The following LHPP variants were observed in gnomAD, a reference collection of about 807,000 sequenced individuals.
The protein encoded by LHPP is hLHPP.
In LHPP, 24 loss-of-function variants were observed where a neutral mutation model predicts 30.3. That is an observed-to-expected ratio of 0.79 (90% CI 0.57 to 1.11). LHPP has a LOEUF of 1.11. Ranked by LOEUF, LHPP falls within the 50% of genes most tolerant of loss-of-function variation. The pLI is 0.00. For synonymous variants in LHPP, 150 were observed against 157.1 expected, an observed-to-expected ratio of 0.95 and a Z score of 0.34; for missense variants, 356 against 367.2, an observed-to-expected ratio of 0.97 and a Z score of 0.25.
rs549090143 is a variant in LHPP, at chr10:124,541,847, C to A, written c.716+24576C>A. Among the ~76,000 whole-genome samples, 26 of 152,154 alleles carry A rather than the reference C, an allele frequency of 1.7e-4. No individual in the cohort carries two copies. The highest frequency in any genetic ancestry group is 6.0e-4 in the African/African-American group (25 of 41,524). ...CCAGGCCCCGGCCCAGATGGGGTGA[C>A]CTTTCCTTCACCCCTACTTCCCCAC... On this transcript the variant is annotated intron_variant, in intron 6 of 6. Transcript: ENST00000368842. The surrounding 1 kb of genome is among the most constrained non-coding windows in gnomAD (Gnocchi z 4.2).
chr10:124,494,080 A>G (rs987542577), intron 3 of LHPP, among the ~76,000 whole-genome samples: 1 of 152,216 alleles, frequency 6.6e-6, no homozygotes. Flanking sequence ...AAAGATTAGC[A>G]TGCAAAGACA....
intron 2 of LHPP, among the ~76,000 whole-genome samples, chr10:124,484,545 C>T (rs561710563): frequency 6.6e-6 from 1 of 151,642 alleles, no homozygotes; most frequent in South Asian, 2.1e-4. Context: ...ACCAGAGGGT[C>T]CTTAGAGCAG....
At chr10:124,603,871 T>C (rs1274669538) in intron 6 of LHPP, among the ~76,000 whole-genome samples, 2 of 152,192 alleles carry the variant, frequency 1.3e-5, no homozygotes, top group African/African-American at 2.4e-5. Flanking sequence ...GCCTGAGGGC[T>C]GAGCAATCCC....
chr10:124,468,784 G>T (rs1375309691), intron 1 of LHPP, among the ~76,000 whole-genome samples: 1 of 152,168 alleles, frequency 6.6e-6, no homozygotes. Flanking sequence ...CTCCACTCTG[G>T]CCCAGTGCCT....
chr10:124,472,084 G>A (rs910568221), intron 1 of LHPP, among the ~76,000 whole-genome samples: 1 of 152,110 alleles, frequency 6.6e-6, no homozygotes, highest in African/African-American at 2.4e-5. Flanking sequence ...GGCCAAAGCG[G>A]GCAGATCACA....
intron 5 of LHPP, among the ~76,000 whole-genome samples, chr10:124,513,932 A>C (rs1007715708): frequency 6.6e-6 from 1 of 152,182 alleles, no homozygotes; most frequent in East Asian, 1.9e-4. Context: ...ACCAATGGGA[A>C]GTCTTGTTTG....
At chr10:124,601,524 C>T (rs1016036366) in intron 6 of LHPP, among the ~76,000 whole-genome samples, 3 of 152,194 alleles carry the variant, frequency 2.0e-5, no homozygotes, top group Admixed American at 6.5e-5. Context: ...ACCACCAACC[C>T]GCTGGTGGGC....
chr10:124,471,415 A>ATG (rs1280344442), intron 1 of LHPP, among the ~76,000 whole-genome samples: 1 of 35,914 alleles, frequency 2.8e-5, no homozygotes, highest in Non-Finnish European at 5.7e-5. Flanking sequence ...ATATATTTAT[A>ATG]TATTATATAT....
intron 6 of LHPP, among the ~76,000 whole-genome samples, chr10:124,520,927 G>A (rs564771855): frequency 3.6e-4 from 55 of 152,362 alleles, no homozygotes; most frequent in Non-Finnish European, 6.3e-4. Context: ...TCGGCTGCAT[G>A]TTGAAATGCT....
At chr10:124,565,687 T>G (rs911465314) in intron 6 of LHPP, among the ~76,000 whole-genome samples, 2 of 152,160 alleles carry the variant, frequency 1.3e-5, no homozygotes, top group African/African-American at 4.8e-5. Context: ...CCAGGTCTTT[T>G]CTGGTATCAC....
At chr10:124,490,452 A>G (rs1686997879) in intron 3 of LHPP, 1 of 338,600 alleles carries the variant, frequency 3.0e-6, no homozygotes, top group Non-Finnish European at 6.2e-6. Flanking sequence ...CATGACGTGA[A>G]GGTTGGGCAC....
Position 124,496,845 on chromosome 10 carries a change from C to T in LHPP, c.468-116C>T, listed in dbSNP as rs1156474937. 2 of 881,762 alleles carry T rather than the reference C, an allele frequency of 2.3e-6. No homozygotes were observed. Among genetic ancestry groups the T allele is most frequent in the Non-Finnish European group, 3.6e-6 (2 of 557,254 alleles). The allele number at this position is 881,762 out of a possible 1,614,324, so 54.6% of individuals were successfully genotyped here. On this transcript the variant is annotated intron_variant, in intron 3 of 6. Transcript: ENST00000368842. The surrounding 1 kb of genome is among the most constrained non-coding windows in gnomAD (Gnocchi z 4.3). ...GCGTAGCGCCTGGACTGCCCCTCAG[C>T]CGCGGCTTGGCTCTGCAGCCAGCGG...
In LHPP at chr10:124,510,126, C is replaced by G. The variant is rs894274171; in HGVS notation, c.625-7054C>G. 3.3e-5 allele frequency among the ~76,000 whole-genome samples: 5 copies of G among 152,164 alleles called. No individual in the cohort carries two copies. The highest frequency in any genetic ancestry group is 1.2e-4 in the African/African-American group (5 of 41,436). On this transcript the variant is annotated intron_variant, in intron 5 of 6. Transcript: ENST00000368842. This position sits in a 1 kb window ranked among gnomAD's most constrained non-coding sequence, Gnocchi z 4.0. Reference sequence around the variant, plus strand: ...ATTTTTTTCTCCGCCTCACACCCCACCATGTCGTGTCTGAAAGGAAGCGAA... The same window carrying G: ...ATTTTTTTCTCCGCCTCACACCCCAGCATGTCGTGTCTGAAAGGAAGCGAA...
At chr10:124,527,627 G>T in intron 6 of LHPP, among the ~76,000 whole-genome samples, 1 of 152,198 alleles carries the variant, frequency 6.6e-6, no homozygotes, top group East Asian at 1.9e-4. Flanking sequence ...AACCAGAGCA[G>T]CAGGGAGACA....
intron 1 of LHPP, among the ~76,000 whole-genome samples, chr10:124,480,960 G>T (rs1294294202): frequency 3.3e-5 from 5 of 152,302 alleles, no homozygotes; most frequent in Middle Eastern, 3.4e-3. Flanking sequence ...TCTGTTGGGG[G>T]TTATAAGGAG....
chr10:124,559,262 A>T (rs1273628948), intron 6 of LHPP, among the ~76,000 whole-genome samples: 1 of 152,198 alleles, frequency 6.6e-6, no homozygotes, highest in Admixed American at 6.5e-5. Flanking sequence ...CTATCTGAAG[A>T]TGAGTTTGAA....
chr10:124,508,547 C>G (rs906713579), intron 5 of LHPP, among the ~76,000 whole-genome samples: 3 of 151,132 alleles, frequency 2.0e-5, no homozygotes, highest in Non-Finnish European at 4.4e-5. Flanking sequence ...GCTCTGAGAC[C>G]TCATGGCTTA....
chr10:124,604,505 GGT>G (rs1195701185), intron 6 of LHPP, among the ~76,000 whole-genome samples: 1 of 152,204 alleles, frequency 6.6e-6, no homozygotes, highest in Non-Finnish European at 1.5e-5. Context: ...CGGGTGTGCA[GGT>G]GGAGGCAGAC....
intron 5 of LHPP, chr10:124,498,766 C>G (rs1376116893): frequency 4.3e-6 from 2 of 460,092 alleles, no homozygotes; most frequent in East Asian, 1.3e-4. Flanking sequence ...ACCTCCCAGG[C>G]TCAAGCGATC....
Sources: allele counts gnomAD v4.1 joint callset (sites outside exome capture counted in the v4.1 genomes callset), GRCh38; gene constraint gnomAD v4.1.1; non-coding constraint Gnocchi (gnomAD v3.1); transcripts MANE v1.5; gene names NCBI Gene and HGNC (gene_info 2026-07-23, HGNC 2026-07-21).